Variants in ELOA observed in about 807,000 individuals in gnomAD.
ELOA encodes the protein elongin A, also known as elongin-A.
ELOA carries 15 observed loss-of-function variants against 85.2 expected under a neutral mutation model. The observed-to-expected ratio is 0.18, with a 90% CI of 0.12 to 0.27. ELOA has a LOEUF of 0.27. Ranked by LOEUF, ELOA falls within the 10% of genes least tolerant of loss-of-function variation. The probability of loss-of-function intolerance (pLI) is 1.00; values close to 1 mark genes in which losing one functional copy is unlikely to be tolerated. For synonymous variants in ELOA, 348 were observed against 357.2 expected (o/e 0.97, Z 0.29); for missense variants, 769 against 952.7 (o/e 0.81, Z 2.54).
chr1:23,746,302 CAAAA>C (rs1217017502), intron 1 of ELOA, among the ~76,000 whole-genome samples: 2 of 108,864 alleles, frequency 1.8e-5, no homozygotes, highest in Non-Finnish European at 4.0e-5. Context: ...AAAAAAAAAA[CAAAA>C]AAAACACACA....
rs1171673817 is a variant in ELOA, at chr1:23,761,085, G to C, written c.*1512G>C. On this transcript the variant is annotated 3_prime_UTR_variant, in exon 11 of 11. Coordinates refer to ENST00000613537, the MANE Select transcript of ELOA (RefSeq NM_003198.3). ...TCAGTTAGGCCAACTTCGAATTCCA[G>C]AGCAACGTAGGAAGTCTATTCAGCA... is the stretch of plus-strand genomic sequence containing the variant. The C allele has an allele frequency of 6.6e-6, 1 of 152,168 alleles. No homozygotes were observed. The highest frequency in any genetic ancestry group is 1.5e-5 in the Non-Finnish European group (1 of 68,026). 9.4% of individuals were successfully genotyped at this position (152,168 alleles called of 1,614,324 possible).
rs1301739060 is a variant in ELOA, at chr1:23,761,227, C to T, written c.*1654C>T. 6.6e-6 allele frequency: 1 copy of T among 152,114 alleles called. No homozygotes were observed. The highest frequency in any genetic ancestry group is 1.5e-5 in the Non-Finnish European group (1 of 68,038). 9.4% of individuals were successfully genotyped at this position (152,114 alleles called of 1,614,324 possible). A position where few individuals can be genotyped will look rare whatever the true frequency, so the allele number is the denominator to read the frequency against. On this transcript the variant is annotated 3_prime_UTR_variant, in exon 11 of 11. Coordinates refer to ENST00000613537, the MANE Select transcript of ELOA (RefSeq NM_003198.3). ...GAATGGGTAAAGCATTACTTTACTT[C>T]TCTTGGTTACTTGTACCACCATTCC...
chr1:23,757,239 C>T, intron 10 of ELOA, 114 bp downstream of exon 10: 3 of 1,174,486 alleles, frequency 2.6e-6, no homozygotes, highest in African/African-American at 1.6e-5. Context: ...TACATGATGC[C>T]TTGCACATAG....
rs1022956105 is a variant in ELOA at position 23,759,818 on chromosome 1, A to T, written c.*245A>T. On this transcript the variant is annotated 3_prime_UTR_variant, in exon 11 of 11. Transcript: ENST00000613537. Reference sequence around the variant, plus strand: ...GTCTCACTGAGGATTTTAAAGGTCAATTATACTTTTGTTGTTCATTAGCAT... The same window carrying T: ...GTCTCACTGAGGATTTTAAAGGTCATTTATACTTTTGTTGTTCATTAGCAT... 4 of 517,860 alleles carry T rather than the reference A, an allele frequency of 7.7e-6. No homozygotes were observed. The highest frequency in any genetic ancestry group is 1.4e-5 in the Non-Finnish European group (4 of 290,118). 32.1% of individuals were successfully genotyped at this position (517,860 alleles called of 1,614,324 possible).
chr1:23,758,262 T>TTTTA (rs1638236472), intron 10 of ELOA, among the ~76,000 whole-genome samples: 1 of 59,132 alleles, frequency 1.7e-5, no homozygotes, highest in African/African-American at 9.4e-5. Context: ...TTTATTTATT[T>TTTTA]TTTTTTTTTT....
In ELOA at chr1:23,751,941, A is replaced by G. The variant is rs1198172875; in HGVS notation, c.1336A>G (p.Lys446Glu). 6.2e-6 allele frequency: 10 copies of G among 1,613,728 alleles called. No individual in the cohort carries two copies. The highest frequency in any genetic ancestry group is 8.5e-6 in the Non-Finnish European group (10 of 1,179,976). Residue 446 changes from lysine (K) to glutamate (E), a missense_variant, in exon 4 of 11, where the codon AAA (lysine) becomes GAA (glutamate). Lys to Glu is a moderately conservative substitution (Grantham distance 56). Transcript: ENST00000613537. ...AAAAAATGACTCTAAAAGCACTGGT[A>G]AAAACTTGGACTCAGTTCAGAAATT... ...LKKNDSKSTG[K>E]NLDSVQKLPK... is the part of the protein sequence containing the mutation.
At chr1:23,758,247 A>ATTTTTTTTTTTT (rs1338294015) in intron 10 of ELOA, among the ~76,000 whole-genome samples, 2 of 56,786 alleles carry the variant, frequency 3.5e-5, no homozygotes, top group Admixed American at 2.7e-4. Context: ...GGGTCTTCCA[A>ATTTTTTTTTTTT]TTTATTTATT....
chr1:23,756,248 A>AG lies in ELOA; in HGVS notation c.1973-25dup, dbSNP rs926456568. The AG allele has an allele frequency of 9.1e-6, 14 of 1,536,182 alleles. No individual in the cohort carries two copies. In the African/African-American group the frequency reaches 1.9e-4, roughly 21 times the overall value. ...CAGTAGCATCTCTGCTCAAGAAGGC[A>AG]GATGTTCATCTCCATAATTCCACAG... On this transcript the variant is annotated intron_variant, in intron 8 of 10. Transcript: ENST00000613537.
In ELOA at chr1:23,746,946, T is replaced by G. The variant is rs115507687; in HGVS notation, c.76-2075T>G. Among the ~76,000 whole-genome samples the G allele has an allele frequency of 8.8e-3, 1,342 of 152,332 alleles. 16 individuals are homozygous for G. The highest frequency in any genetic ancestry group is 0.027 in the Middle Eastern group (8 of 294). On this transcript the variant is annotated intron_variant, in intron 1 of 10. Coordinates refer to ENST00000613537, the MANE Select transcript of ELOA (RefSeq NM_003198.3). ...GAAAATAGAGGGGTTGTGAAGTCCT[T>G]TTTTCTCTTGTGTTAGACTAAATGA...
intron 3 of ELOA, 102 bp downstream of exon 3, chr1:23,750,050 C>T (rs1644762122): frequency 1.1e-6 from 1 of 885,890 alleles, no homozygotes; most frequent in Admixed American, 3.0e-5. Flanking sequence ...AATTGTTTTG[C>T]CTCAATTATA....
chr1:23,750,180 T>TTTC (rs1323787132), intron 3 of ELOA, among the ~76,000 whole-genome samples: 1 of 129,832 alleles, frequency 7.7e-6, no homozygotes, highest in African/African-American at 3.2e-5. Context: ...CTTTTTTTTT[T>TTTC]TTTTTTTTTT....
chr1:23,749,295 G>A (rs573508015), intron 2 of ELOA, among the ~76,000 whole-genome samples: 2 of 152,342 alleles, frequency 1.3e-5, no homozygotes, highest in Admixed American at 1.3e-4. Context: ...GGAGAATTGG[G>A]AGGAACAGGA....
In ELOA at chr1:23,751,985, C is replaced by G. The variant is rs753910243; in HGVS notation, c.1380C>G (p.Thr460=). Residue 460 remains threonine, a synonymous_variant, in exon 4 of 11, where the codon ACC becomes ACG. Coordinates refer to ENST00000613537, the MANE Select transcript of ELOA (RefSeq NM_003198.3). ...SVQKLPKVNK[T]KSEKPAGADL... is the part of the protein sequence containing the mutation. ...AGAAATTACCCAAGGTGAACAAAAC[C>G]AAGTCAGAGAAGCCGGCTGGAGCTG... The G allele has an allele frequency of 2.5e-6, 4 of 1,606,980 alleles. No individual in the cohort carries two copies. Among genetic ancestry groups the G allele is most frequent in the Admixed American group, 1.7e-5 (1 of 57,970 alleles).
At chr1:23,758,252 TTTA>T (rs202125381) in intron 10 of ELOA, among the ~76,000 whole-genome samples, 1,891 of 57,176 alleles carry the variant, frequency 0.033, 91 homozygotes, top group African/African-American at 0.13. Flanking sequence ...TTCCAATTTA[TTTA>T]TTTATTTTTT....
rs1638291935 is a variant in ELOA, at chr1:23,761,454, T to A, written c.*1881T>A. 6.6e-6 allele frequency: 1 copy of A among 152,194 alleles called. No individual in the cohort carries two copies. The highest frequency in any genetic ancestry group is 1.5e-5 in the Non-Finnish European group (1 of 68,028). The allele number at this position is 152,194 out of a possible 1,614,324, so 9.4% of individuals were successfully genotyped here. On this transcript the variant is annotated 3_prime_UTR_variant, in exon 11 of 11. Coordinates refer to ENST00000613537, the MANE Select transcript of ELOA (RefSeq NM_003198.3). The stretch of plus-strand genomic sequence containing the variant: ...TTTTCATATCTTAGATTCAGTTGTG[T>A]ATGATTTAATGTCCCTTATTAGGAG...
chr1:23,749,139 T>A (rs1322672034), intron 2 of ELOA, 62 bp downstream of exon 2: 1 of 1,420,076 alleles, frequency 7.0e-7, no homozygotes. Context: ...CACTGGAGAG[T>A]GTGTAGAATA....
chr1:23,752,290 C>T (rs1644774863), intron 4 of ELOA, 117 bp from the exon 5 acceptor site: 2 of 1,038,120 alleles, frequency 1.9e-6, no homozygotes, highest in Non-Finnish European at 2.9e-6. Flanking sequence ...CTGTGGCCCC[C>T]TCCAACCTGG....
At chr1:23,752,653 T>A (rs889867355) in intron 5 of ELOA, 135 bp downstream of exon 5, 10 of 910,430 alleles carry the variant, frequency 1.1e-5, no homozygotes, top group Admixed American at 4.7e-5. Flanking sequence ...GGCCAAGGGT[T>A]CTAAACCAAC....
chr1:23,746,010 C>T (rs576010279), intron 1 of ELOA, among the ~76,000 whole-genome samples: 5 of 152,248 alleles, frequency 3.3e-5, no homozygotes, highest in Non-Finnish European at 5.9e-5. Flanking sequence ...GTCCTTAGGC[C>T]GAGTGCAGTG....
Sources: allele counts gnomAD v4.1 joint callset (sites outside exome capture counted in the v4.1 genomes callset), GRCh38; gene constraint gnomAD v4.1.1; transcripts MANE v1.5; gene names NCBI Gene and HGNC (gene_info 2026-07-23, HGNC 2026-07-21).